The following GNG4 variants were observed in gnomAD, a reference collection of about 807,000 sequenced individuals.
GNG4 encodes G protein subunit gamma 4.
Under a neutral mutation model 5.8 loss-of-function variants are expected in GNG4, and 4 were observed. The ratio of observed to expected loss-of-function variants is 0.69; its 90% confidence interval spans 0.34 to 1.57. The LOEUF is 1.57. Among genes scored for constraint, GNG4 ranks in the 40% most tolerant of loss-of-function variants. The pLI is 0.06. For missense variants in GNG4, 96 were observed against 95.1 expected (o/e 1.01, Z -0.04); for synonymous variants, 29 against 32.9 (o/e 0.88, Z 0.41).
rs200086118 is a variant in GNG4 at position 235,611,172 on chromosome 1, T to TC, written c.-122-15662_-122-15661insG. ...AGGGCAGAGATTCTCTCTCTCTCTC[T>TC]TTTTTTTTTTTTTGAAACAGGGTTT... On this transcript the variant is annotated intron_variant, in intron 1 of 3. Coordinates refer to ENST00000391854, the MANE Select transcript of GNG4 (RefSeq NM_001098722.2). Among the ~76,000 whole-genome samples, 21 of 141,220 alleles carry TC rather than the reference T, an allele frequency of 1.5e-4. 1 individual carries two copies. The highest frequency in any genetic ancestry group is 2.3e-4 in the African/African-American group (9 of 39,088). 92.6% of individuals were successfully genotyped at this position (141,220 alleles called of 152,430 possible). A position where few individuals can be genotyped will look rare whatever the true frequency, so the allele number is the denominator to read the frequency against.
At chr1:235,584,275 AG>A (rs1687710950) in intron 2 of GNG4, among the ~76,000 whole-genome samples, 1 of 152,192 alleles carries the variant, frequency 6.6e-6, no homozygotes, top group Non-Finnish European at 1.5e-5. Flanking sequence ...TATTTTGCAA[AG>A]GAAGAAAGTG....
At position 235,605,955 on chromosome 1, in the gene GNG4, T is replaced by TC. The variant is rs1553369913; in HGVS notation, c.-122-10445_-122-10444insG. ...CATTTTATTTTTTTGATTGAGAGTG[T>TC]GGGGGGGTGGGTCTCACTGTGTTGC... On this transcript the variant is annotated intron_variant, in intron 1 of 3. Coordinates refer to ENST00000391854, the MANE Select transcript of GNG4 (RefSeq NM_001098722.2). 5.7e-4 allele frequency among the ~76,000 whole-genome samples: 60 copies of TC among 106,088 alleles called. 2 individuals carry two copies. In the Middle Eastern group the frequency reaches 0.015, roughly 26 times the overall value. The allele number at this position is 106,088 out of a possible 152,430, so 69.6% of individuals were successfully genotyped here.
At chr1:235,619,487 A>C (rs1688665836) in intron 1 of GNG4, among the ~76,000 whole-genome samples, 1 of 152,184 alleles carries the variant, frequency 6.6e-6, no homozygotes, top group African/African-American at 2.4e-5. Flanking sequence ...ATGAGCAAGG[A>C]AACTGCTGGT....
chr1:235,598,867 A>G (rs910160745), intron 1 of GNG4, among the ~76,000 whole-genome samples: 5 of 151,978 alleles, frequency 3.3e-5, no homozygotes, highest in African/African-American at 4.8e-5. Context: ...CTGGGATTAC[A>G]GGTGCATGCC....
At chr1:235,650,146 G>A (rs2102994005), upstream of GNG4, among the ~76,000 whole-genome samples, 1 of 149,946 alleles carries the variant, frequency 6.7e-6, no homozygotes, top group East Asian at 2.0e-4. Flanking sequence ...CCGCTACTCG[G>A]GCCCACGCCC....
chr1:235,629,547 G>A (rs980809193), intron 1 of GNG4, among the ~76,000 whole-genome samples: 1 of 150,994 alleles, frequency 6.6e-6, no homozygotes, highest in Non-Finnish European at 1.5e-5. Context: ...TCCTTCAAGG[G>A]TTCATTCTGA....
At chr1:235,614,450 C>T (rs1688545235) in intron 1 of GNG4, among the ~76,000 whole-genome samples, 1 of 152,144 alleles carries the variant, frequency 6.6e-6, no homozygotes, top group Non-Finnish European at 1.5e-5. Flanking sequence ...TTCTCTCTCT[C>T]TCTCTTTAGT....
chr1:235,633,223 A>G (rs1436393292), intron 1 of GNG4, among the ~76,000 whole-genome samples: 2 of 152,218 alleles, frequency 1.3e-5, no homozygotes, highest in Admixed American at 6.5e-5. Flanking sequence ...ATGGTTGTTC[A>G]TGGAGACTTG....
At chr1:235,615,785 TG>T in intron 1 of GNG4, 1 of 261,342 alleles carries the variant, frequency 3.8e-6, no homozygotes, top group Admixed American at 5.5e-5. Context: ...AATGGGGACC[TG>T]GACCACATGA....
intron 1 of GNG4, among the ~76,000 whole-genome samples, chr1:235,628,993 AT>A (rs1054950474): frequency 0.067 from 7,957 of 118,278 alleles, 462 homozygotes; most frequent in African/African-American, 0.2. Flanking sequence ...ATTTGCTTGA[AT>A]TTTTTTTTTT....
rs140030186 is a variant in GNG4, at chr1:235,579,967, G to T, written c.99+3773C>A. Among the ~76,000 whole-genome samples, 578 of 152,054 alleles carry T rather than the reference G, an allele frequency of 3.8e-3. 2 individuals are homozygous for T. The highest frequency in any genetic ancestry group is 0.014 in the Middle Eastern group (4 of 292). On this transcript the variant is annotated intron_variant, in intron 3 of 3. Coordinates refer to ENST00000391854, the MANE Select transcript of GNG4 (RefSeq NM_001098722.2). The stretch of plus-strand genomic sequence containing the variant: ...CTCCAACAGATACCTGCACACCCAT[G>T]TTCCTAACAGCATTATTTACAATAG...
intron 1 of GNG4, among the ~76,000 whole-genome samples, chr1:235,622,202 AT>A (rs1688725719): frequency 6.6e-6 from 1 of 152,050 alleles, no homozygotes; most frequent in South Asian, 2.1e-4. Context: ...TTCTCTTTTG[AT>A]TTCCTTTTTG....
At chr1:235,594,741 C>T (rs2102955741) in intron 2 of GNG4, among the ~76,000 whole-genome samples, 1 of 152,314 alleles carries the variant, frequency 6.6e-6, no homozygotes, top group Non-Finnish European at 1.5e-5. Flanking sequence ...CGTGCGCAGC[C>T]CCAGTTCCCG....
At chr1:235,583,535 C>T (rs1687694119) in intron 3 of GNG4, among the ~76,000 whole-genome samples, 1 of 152,194 alleles carries the variant, frequency 6.6e-6, no homozygotes, top group African/African-American at 2.4e-5. Flanking sequence ...GGAATTCATG[C>T]ACACTGTGTA....
chr1:235,650,228 G>A (rs1657641905), upstream of GNG4, among the ~76,000 whole-genome samples: 1 of 151,688 alleles, frequency 6.6e-6, no homozygotes, highest in South Asian at 2.1e-4. Context: ...CCACTGGAGG[G>A]GTCTGTGGGG....
intron 1 of GNG4, among the ~76,000 whole-genome samples, chr1:235,608,004 C>T (rs1315708956): frequency 6.8e-6 from 1 of 147,182 alleles, no homozygotes; most frequent in Non-Finnish European, 1.5e-5. Context: ...GTGGCGTGAT[C>T]TTGGCTCACT....
intron 1 of GNG4, among the ~76,000 whole-genome samples, chr1:235,600,097 A>AAG (rs1409023961): frequency 1.3e-5 from 1 of 78,396 alleles, no homozygotes; most frequent in Non-Finnish European, 3.0e-5. Context: ...TTGCGGAAGA[A>AAG]AGCTTTTTTT....
At chr1:235,636,785 G>A (rs534983497) in intron 1 of GNG4, among the ~76,000 whole-genome samples, 1 of 152,228 alleles carries the variant, frequency 6.6e-6, no homozygotes, top group African/African-American at 2.4e-5. Context: ...GGGACACATC[G>A]GAACTGGATT....
chr1:235,624,677 A>G (rs965698073), intron 1 of GNG4, among the ~76,000 whole-genome samples: 6 of 152,156 alleles, frequency 3.9e-5, no homozygotes, highest in Admixed American at 2.0e-4. Context: ...CAGAGTATCA[A>G]GGTTTTGCTT....
Sources: allele counts gnomAD v4.1 joint callset (sites outside exome capture counted in the v4.1 genomes callset), GRCh38; gene constraint gnomAD v4.1.1; transcripts MANE v1.5; gene names NCBI Gene and HGNC (gene_info 2026-07-23, HGNC 2026-07-21).